Variants in WWOX observed in about 807,000 individuals in gnomAD.
WWOX encodes the protein WW domain-containing oxidoreductase.
WWOX carries 69 observed loss-of-function variants against 46.2 expected under a neutral mutation model. That is an observed-to-expected ratio of 1.49 (90% confidence interval 1.23 to 1.82). WWOX has a LOEUF of 1.82. Ranked by LOEUF, WWOX falls within the 40% of genes most tolerant of loss-of-function variation. WWOX has a pLI of 0.00. For synonymous variants in WWOX, 359 were observed against 202.6 expected (o/e 1.77, Z -6.56); for missense variants, 919 against 542.6 (o/e 1.69, Z -6.89).
At chr16:78,726,770 G>A (rs796698986) in intron 8 of WWOX, among the ~76,000 whole-genome samples, 13 of 151,962 alleles carry the variant, frequency 8.6e-5, no homozygotes, top group African/African-American at 3.1e-4. Flanking sequence ...TTCCCTCTGT[G>A]GTGAGAGTTG....
intron 5 of WWOX, among the ~76,000 whole-genome samples, chr16:78,323,959 C>T (rs2080550092): frequency 6.6e-6 from 1 of 152,144 alleles, no homozygotes; most frequent in Non-Finnish European, 1.5e-5. Context: ...GTGCTGGGCA[C>T]TGTGCTAGGC....
intron 8 of WWOX, among the ~76,000 whole-genome samples, chr16:78,797,938 T>G (rs564005238): frequency 1.3e-5 from 2 of 152,266 alleles, no homozygotes; most frequent in East Asian, 3.9e-4. Context: ...TAGTGAGTCA[T>G]GGTCACACCA....
chr16:78,821,292 C>T (rs529992638), intron 8 of WWOX, among the ~76,000 whole-genome samples: 2 of 152,238 alleles, frequency 1.3e-5, no homozygotes, highest in South Asian at 2.1e-4. Context: ...AGGCTTGCCC[C>T]AGGTTACACA....
intron 8 of WWOX, among the ~76,000 whole-genome samples, chr16:78,622,035 C>T (rs1302056264): frequency 6.6e-6 from 1 of 152,102 alleles, no homozygotes; most frequent in South Asian, 2.1e-4. Flanking sequence ...TTTTGGCTAC[C>T]CAGTTGTTAG....
intron 8 of WWOX, among the ~76,000 whole-genome samples, chr16:78,653,970 A>C (rs368758211): frequency 3.3e-5 from 5 of 152,362 alleles, no homozygotes; most frequent in African/African-American, 1.2e-4. Context: ...TACAAAAGGC[A>C]AAGCAGAGAT....
At chr16:78,869,156 T>C (rs371516766) in intron 8 of WWOX, among the ~76,000 whole-genome samples, 1 of 152,334 alleles carries the variant, frequency 6.6e-6, no homozygotes, top group East Asian at 1.9e-4. Flanking sequence ...AAATTGTATA[T>C]ACGTTTTAGT....
chr16:78,435,093 A>G (rs984197458), intron 8 of WWOX, among the ~76,000 whole-genome samples: 18 of 152,176 alleles, frequency 1.2e-4, no homozygotes, highest in African/African-American at 4.3e-4. Flanking sequence ...TGACTGTATC[A>G]TGATATCGGA....
At chr16:78,332,193 ATC>A (rs2080774426) in intron 5 of WWOX, among the ~76,000 whole-genome samples, 1 of 151,980 alleles carries the variant, frequency 6.6e-6, no homozygotes, top group Admixed American at 6.6e-5. Context: ...CTTTTTTGCC[ATC>A]TCTTTTTCCC....
intron 8 of WWOX, among the ~76,000 whole-genome samples, chr16:79,103,431 C>T (rs1332383655): frequency 6.6e-6 from 1 of 152,174 alleles, no homozygotes; most frequent in Admixed American, 6.5e-5. Context: ...GGGGCTCAAG[C>T]ACAACCACAA....
chr16:78,478,943 C>T (rs950714990), intron 8 of WWOX, among the ~76,000 whole-genome samples: 6 of 151,930 alleles, frequency 3.9e-5, no homozygotes, highest in Admixed American at 1.3e-4. Context: ...CATCATGGCC[C>T]CTTTTCTCCT....
At chr16:78,754,171 T>A (rs1364136359) in intron 8 of WWOX, among the ~76,000 whole-genome samples, 1 of 152,052 alleles carries the variant, frequency 6.6e-6, no homozygotes, top group African/African-American at 2.4e-5. Flanking sequence ...GAGAACTTGG[T>A]CCCTGGGGAT....
At chr16:78,327,112 C>G (rs1033662886) in intron 5 of WWOX, among the ~76,000 whole-genome samples, 9 of 152,282 alleles carry the variant, frequency 5.9e-5, no homozygotes, top group South Asian at 2.1e-4. Flanking sequence ...ACTTTCAAGT[C>G]CCTAAGTGAC....
chr16:78,366,330 A>G (rs1368893994), intron 5 of WWOX, among the ~76,000 whole-genome samples: 1 of 152,182 alleles, frequency 6.6e-6, no homozygotes, highest in East Asian at 1.9e-4. Context: ...GCTCCCTCCT[A>G]TGCCTATCCA....
intron 8 of WWOX, among the ~76,000 whole-genome samples, chr16:78,790,105 C>G (rs141890062): frequency 6.6e-6 from 1 of 152,032 alleles, no homozygotes; most frequent in Non-Finnish European, 1.5e-5. Flanking sequence ...AAATCGAGTA[C>G]TGTTATTGTT....
intron 8 of WWOX, among the ~76,000 whole-genome samples, chr16:78,768,157 C>A (rs942240742): frequency 1.3e-5 from 2 of 148,452 alleles, no homozygotes; most frequent in African/African-American, 5.0e-5. Flanking sequence ...GGCTGCGGGG[C>A]GGGGGGGTCG....
At chr16:78,356,071 T>TACAAAAAAAAA (rs2081280272) in intron 5 of WWOX, among the ~76,000 whole-genome samples, 1 of 76,142 alleles carries the variant, frequency 1.3e-5, no homozygotes. Flanking sequence ...TTTTTTTTCC[T>TACAAAAAAAAA]AAAAAAAAAA....
chr16:79,050,991 T>C (rs2048156028), intron 8 of WWOX, among the ~76,000 whole-genome samples: 1 of 152,226 alleles, frequency 6.6e-6, no homozygotes, highest in Non-Finnish European at 1.5e-5. Flanking sequence ...CACAAGACAC[T>C]GACCCAAATC....
intron 8 of WWOX, among the ~76,000 whole-genome samples, chr16:78,715,954 C>G (rs1439497610): frequency 6.6e-6 from 1 of 152,062 alleles, no homozygotes; most frequent in Non-Finnish European, 1.5e-5. Context: ...GGCCTCTAAC[C>G]TAAATGTCCA....
chr16:78,401,231 C>A (rs181405112), intron 6 of WWOX, among the ~76,000 whole-genome samples: 2,147 of 152,184 alleles, frequency 0.014, 61 homozygotes, highest in African/African-American at 0.049. Context: ...TCTAATACCA[C>A]TTTTTTCTAC....
Sources: gnomAD v4.1 joint callset for allele counts (sites outside exome capture counted in the v4.1 genomes callset) on GRCh38, gnomAD v4.1.1 for gene constraint, MANE v1.5 for transcripts, NCBI Gene and HGNC (gene_info 2026-07-23, HGNC 2026-07-21) for gene names.